The following BNC2 variants were observed in gnomAD, a reference collection of about 807,000 sequenced individuals.
BNC2 encodes the protein zinc finger protein basonuclin-2.
Under a neutral mutation model 76.3 loss-of-function variants are expected in BNC2, and 20 were observed. The observed-to-expected ratio is 0.26, with a 90% confidence interval of 0.18 to 0.38. The LOEUF (loss-of-function observed/expected upper bound fraction) is 0.38. Among genes scored for constraint, BNC2 ranks in the 10% least tolerant of loss-of-function variants. The pLI is 1.00. For missense variants in BNC2, 1,382 were observed against 1,399.8 expected (o/e 0.99, Z 0.20); for synonymous variants, 582 against 514.8 (o/e 1.13, Z -1.77).
intron 4 of BNC2, among the ~76,000 whole-genome samples, chr9:16,564,430 G>T (rs1174402502): frequency 6.6e-6 from 1 of 152,122 alleles, no homozygotes; most frequent in Non-Finnish European, 1.5e-5. Flanking sequence ...AAATGATTGG[G>T]ATTTTCCAGT....
intron 3 of BNC2, among the ~76,000 whole-genome samples, chr9:16,712,082 C>A (rs1823867913): frequency 6.6e-6 from 1 of 152,272 alleles, no homozygotes; most frequent in Non-Finnish European, 1.5e-5. Context: ...AGAACCAAGA[C>A]AAAAATGTTA....
At chr9:16,807,829 A>C (rs964305934) in intron 1 of BNC2, among the ~76,000 whole-genome samples, 1 of 152,124 alleles carries the variant, frequency 6.6e-6, no homozygotes, top group African/African-American at 2.4e-5. Flanking sequence ...CTTTTTTCTC[A>C]CTCTGGAGTG....
At chr9:16,814,265 G>A (rs930786759) in intron 1 of BNC2, among the ~76,000 whole-genome samples, 4 of 152,192 alleles carry the variant, frequency 2.6e-5, no homozygotes, top group East Asian at 1.9e-4. Flanking sequence ...GGGCCAGCAC[G>A]TGAGTGCACA....
Position 16,552,744 on chromosome 9 carries a change from T to A in BNC2, c.455A>T (p.Gln152Leu). ...CACTTGGGTGGGGTGGTACAGGTGC[T>A]GCGTGCTGAGCTTATCCAAGGCTGT... ...VAHALDKLST[Q>L]HLYHPTQVEI... The change falls in exon 5 of 7, where the codon CAG becomes CTG. Residue 152 changes from glutamine (Q) to leucine (L), a missense_variant. Physicochemically the swap from Gln to Leu is moderately radical, Grantham distance 113. Coordinates refer to ENST00000380672, the MANE Select transcript of BNC2 (RefSeq NM_017637.6). 1 of 1,614,144 alleles carries A rather than the reference T, an allele frequency of 6.2e-7. No homozygotes were observed. The highest frequency in any genetic ancestry group is 8.5e-7 in the Non-Finnish European group (1 of 1,180,030).
At chr9:16,690,643 A>C (rs1823131552) in intron 3 of BNC2, among the ~76,000 whole-genome samples, 1 of 152,182 alleles carries the variant, frequency 6.6e-6, no homozygotes, top group Non-Finnish European at 1.5e-5. Context: ...TATCAATAGG[A>C]ACATGATAAG....
At chr9:16,459,530 T>C (rs1821528630) in intron 5 of BNC2, among the ~76,000 whole-genome samples, 2 of 152,104 alleles carry the variant, frequency 1.3e-5, no homozygotes, top group South Asian at 4.1e-4. Flanking sequence ...CACCTATTTG[T>C]AAAAGTCCCT....
intron 1 of BNC2, among the ~76,000 whole-genome samples, chr9:16,861,088 T>A (rs1226442006): frequency 2.0e-5 from 3 of 150,196 alleles, no homozygotes; most frequent in South Asian, 2.1e-4. Context: ...ATGCCTGTAA[T>A]CCCAGAATTT....
intron 5 of BNC2, among the ~76,000 whole-genome samples, chr9:16,442,130 A>T (rs1821141065): frequency 6.6e-6 from 1 of 152,212 alleles, no homozygotes; most frequent in African/African-American, 2.4e-5. Flanking sequence ...TGTTATTGAC[A>T]AAATGAGGAT....
intron 2 of BNC2, among the ~76,000 whole-genome samples, chr9:16,737,696 A>G (rs960023631): frequency 6.6e-6 from 1 of 152,170 alleles, no homozygotes; most frequent in African/African-American, 2.4e-5. Context: ...GCAAATGTTC[A>G]TGAACTTAGA....
At chr9:16,835,273 G>A (rs369064269) in intron 1 of BNC2, among the ~76,000 whole-genome samples, 1 of 152,052 alleles carries the variant, frequency 6.6e-6, no homozygotes, top group Non-Finnish European at 1.5e-5. Flanking sequence ...ATTTTTCTTT[G>A]TTAAGTATGT....
At chr9:16,494,388 T>G (rs1395129620) in intron 5 of BNC2, among the ~76,000 whole-genome samples, 1 of 152,022 alleles carries the variant, frequency 6.6e-6, no homozygotes, top group Admixed American at 6.6e-5. Context: ...CTTGAACTCA[T>G]GATCCACCTG....
Position 16,685,512 on chromosome 9 carries a change from A to G in BNC2, c.330+42285T>C, listed in dbSNP as rs766713885. The G allele has an allele frequency of 9.5e-6, 12 of 1,259,144 alleles. No individual in the cohort carries two copies. The South Asian group carries it at 1.5e-4, about 16-fold the overall frequency. 78.0% of individuals were successfully genotyped at this position (1,259,144 alleles called of 1,614,324 possible). A position where few individuals can be genotyped will look rare whatever the true frequency, so the allele number is the denominator to read the frequency against. Reference sequence around the variant, plus strand: ...CCAGGACCACTGTTTCTGTCACACCACCCCTAGCTGAGAAAACAGTTAAGA... The same window carrying G: ...CCAGGACCACTGTTTCTGTCACACCGCCCCTAGCTGAGAAAACAGTTAAGA... On this transcript the variant is annotated intron_variant, in intron 3 of 6. Transcript: ENST00000380672.
intron 3 of BNC2, among the ~76,000 whole-genome samples, chr9:16,645,519 T>C (rs1289723024): frequency 1.3e-5 from 2 of 152,194 alleles, no homozygotes; most frequent in Non-Finnish European, 2.9e-5. Context: ...CTGTCTATTT[T>C]ATACTTGGGA....
At chr9:16,794,000 C>T (rs1367496103) in intron 1 of BNC2, among the ~76,000 whole-genome samples, 2 of 151,850 alleles carry the variant, frequency 1.3e-5, no homozygotes, top group African/African-American at 2.4e-5. Context: ...CCGCGCCGGG[C>T]CTTGCCTTTC....
At chr9:16,838,412 TC>T (rs1818754692) in intron 1 of BNC2, among the ~76,000 whole-genome samples, 1 of 151,954 alleles carries the variant, frequency 6.6e-6, no homozygotes, top group African/African-American at 2.4e-5. Flanking sequence ...AAATACAAAA[TC>T]AGCTGGGTGT....
chr9:16,496,660 C>T (rs1822395591), intron 5 of BNC2, among the ~76,000 whole-genome samples: 1 of 152,172 alleles, frequency 6.6e-6, no homozygotes, highest in Admixed American at 6.5e-5. Flanking sequence ...TAATTTTCAT[C>T]ACATAAATAT....
chr9:16,819,665 A>G (rs1335295243), intron 1 of BNC2, among the ~76,000 whole-genome samples: 1 of 152,102 alleles, frequency 6.6e-6, no homozygotes, highest in Non-Finnish European at 1.5e-5. Flanking sequence ...TCAAAAAAAA[A>G]GAAATATGCA....
chr9:16,676,741 C>T (rs1222791862), intron 3 of BNC2, among the ~76,000 whole-genome samples: 2 of 152,022 alleles, frequency 1.3e-5, no homozygotes, highest in African/African-American at 2.4e-5. Flanking sequence ...AAGAAGGTCT[C>T]GAAAATATGT....
chr9:16,422,635 G>C (rs1820732456), intron 6 of BNC2, among the ~76,000 whole-genome samples: 1 of 152,202 alleles, frequency 6.6e-6, no homozygotes, highest in South Asian at 2.1e-4. Flanking sequence ...AGGAAAGTCT[G>C]CTGTTCACTC....
Sources: gnomAD v4.1 joint callset for allele counts (sites outside exome capture counted in the v4.1 genomes callset) on GRCh38, gnomAD v4.1.1 for gene constraint, MANE v1.5 for transcripts, NCBI Gene and HGNC (gene_info 2026-07-23, HGNC 2026-07-21) for gene names.